The following VPS8 variants were observed in gnomAD, a reference collection of about 807,000 sequenced individuals.
The protein encoded by VPS8 is vacuolar protein sorting-associated protein 8 homolog.
Under a neutral mutation model 216.4 loss-of-function variants are expected in VPS8, and 129 were observed. The ratio of observed to expected loss-of-function variants is 0.60; its 90% CI spans 0.52 to 0.69. The LOEUF (loss-of-function observed/expected upper bound fraction) is 0.69. VPS8 is among the 30% of genes least tolerant of loss of function. VPS8 has a pLI of 0.00. For synonymous variants in VPS8, 571 were observed against 565.4 expected, an observed-to-expected ratio of 1.01 and a Z score of -0.14; for missense variants, 1,531 against 1,683.5, an observed-to-expected ratio of 0.91 and a Z score of 1.59.
At chr3:184,983,295 T>G (rs1750512782) in intron 42 of VPS8, among the ~76,000 whole-genome samples, 2 of 152,226 alleles carry the variant, frequency 1.3e-5, no homozygotes, top group African/African-American at 4.8e-5. Flanking sequence ...TGACTTTGCC[T>G]GACATAAGCT....
chr3:185,038,866 G>A (rs1440024613), intron 46 of VPS8, among the ~76,000 whole-genome samples: 1 of 152,188 alleles, frequency 6.6e-6, no homozygotes, highest in East Asian at 1.9e-4. Context: ...TCCAGGGCAA[G>A]GGTGATCAGA....
intron 46 of VPS8, among the ~76,000 whole-genome samples, chr3:185,046,042 T>C (rs1712827376): frequency 6.6e-6 from 1 of 152,244 alleles, no homozygotes; most frequent in Non-Finnish European, 1.5e-5. Flanking sequence ...TACAGTTTAA[T>C]TTTTAGCTCT....
rs1318149122 is a variant in VPS8 at position 184,924,882 on chromosome 3, C to T, written c.2475C>T (p.Asp825=). Residue 825 remains aspartate, a synonymous_variant, in exon 30 of 48, where the codon GAC becomes GAT. Coordinates refer to ENST00000625842, the MANE Select transcript of VPS8 (RefSeq NM_001009921.3). ...TTCAGGTTATGGTGGAGAATTCAGA[C>T]TTTACCCCCTCACAAGTAGGATGTC... ...ILLKVMVENS[D]FTPSQVGCLF... The T allele has an allele frequency of 1.2e-6, 2 of 1,612,608 alleles. No individual in the cohort carries two copies. Among genetic ancestry groups the T allele is most frequent in the Non-Finnish European group, 1.7e-6 (2 of 1,179,584 alleles).
At position 184,984,145 on chromosome 3, in the gene VPS8, CT is replaced by C. The variant is rs1447714935; in HGVS notation, c.3585+1052del. ...TTTGCAGTGAGCCGAGATCGAGCCA[CT>C]GCACTCCGGCCTGGGCAACAGAGCG... On this transcript the variant is annotated intron_variant, in intron 42 of 47. Transcript: ENST00000625842. 1.2e-4 allele frequency among the ~76,000 whole-genome samples: 10 copies of C among 81,824 alleles called. No individual in the cohort carries two copies. The Admixed American group carries it at 1.6e-3, about 13-fold the overall frequency. 53.7% of individuals were successfully genotyped at this position (81,824 alleles called of 152,430 possible).
At chr3:184,932,304 A>G (rs1044127295) in intron 34 of VPS8, among the ~76,000 whole-genome samples, 2 of 152,136 alleles carry the variant, frequency 1.3e-5, no homozygotes, top group Admixed American at 1.3e-4. Flanking sequence ...ACATGTACAT[A>G]GATACATGAT....
intron 46 of VPS8, among the ~76,000 whole-genome samples, chr3:185,031,443 C>T (rs566565367): frequency 6.6e-6 from 1 of 152,208 alleles, no homozygotes; most frequent in Admixed American, 6.5e-5. Context: ...CTGAACACCA[C>T]CCCCAAAAAA....
At chr3:184,897,750 T>C (rs1272387809) in intron 23 of VPS8, among the ~76,000 whole-genome samples, 1 of 152,202 alleles carries the variant, frequency 6.6e-6, no homozygotes, top group East Asian at 1.9e-4. Flanking sequence ...TGCCGACTTC[T>C]GCCCTTCTCC....
At chr3:184,915,133 T>C (rs1167991811) in intron 27 of VPS8, 80 bp downstream of exon 27, 2 of 1,497,496 alleles carry the variant, frequency 1.3e-6, no homozygotes, top group Non-Finnish European at 1.9e-6. Context: ...AGTTGAGGCT[T>C]ACACGTGGGT....
intron 44 of VPS8, 126 bp from the exon 45 acceptor site, chr3:184,999,569 AC>A (rs1753117591): frequency 8.8e-7 from 1 of 1,138,132 alleles, no homozygotes; most frequent in East Asian, 2.6e-5. Context: ...CTTGTTTCTT[AC>A]CCTGTACAGC....
rs535941477 is a variant in VPS8 at position 184,955,157 on chromosome 3, T to C, written c.3036-2217T>C. On this transcript the variant is annotated intron_variant, in intron 36 of 47. Coordinates refer to ENST00000625842, the MANE Select transcript of VPS8 (RefSeq NM_001009921.3). ...GGAACACTCTGCTCCACCAGCTTCT[T>C]GTGGAAGGCTGGATATTATCTAGGC... 3.9e-5 allele frequency among the ~76,000 whole-genome samples: 6 copies of C among 152,212 alleles called. No homozygotes were observed. The East Asian group carries it at 1.2e-3, about 29-fold the overall frequency.
At chr3:184,970,035 C>T (rs1258944805) in intron 39 of VPS8, among the ~76,000 whole-genome samples, 11 of 150,736 alleles carry the variant, frequency 7.3e-5, no homozygotes, top group South Asian at 2.1e-4. Flanking sequence ...CTCAGCCTCC[C>T]GAGTGGCTGG....
At chr3:184,823,464 G>A (rs1005972545) in intron 1 of VPS8, among the ~76,000 whole-genome samples, 2 of 152,208 alleles carry the variant, frequency 1.3e-5, no homozygotes, top group Non-Finnish European at 2.9e-5. Context: ...TCACTGCAGG[G>A]CAAGGGTTGG....
rs770681497 is a variant in VPS8, at chr3:184,824,686, G to T, written c.54G>T (p.Thr18=). Residue 18 remains threonine, a synonymous_variant, in exon 2 of 48, where the codon ACG becomes ACT. Coordinates refer to ENST00000625842, the MANE Select transcript of VPS8 (RefSeq NM_001009921.3). The part of the protein sequence containing the change: ...ENVEQSLCAK[T]SEEELNKSFN... ...TGGAACAGAGCCTCTGTGCCAAGAC[G>T]AGCGAAGAAGAGCTGAATAAGTCTT... 1.2e-6 allele frequency: 2 copies of T among 1,613,946 alleles called. No homozygotes were observed. The highest frequency in any genetic ancestry group is 1.1e-5 in the South Asian group (1 of 91,080).
At chr3:185,042,247 GT>G (rs1390400676) in intron 46 of VPS8, among the ~76,000 whole-genome samples, 6 of 152,060 alleles carry the variant, frequency 3.9e-5, no homozygotes, top group Non-Finnish European at 8.8e-5. Flanking sequence ...GACTTTTGAG[GT>G]TTTTTTCTGG....
intron 6 of VPS8, 175 bp from the exon 7 acceptor site, chr3:184,839,523 A>T (rs889353524): frequency 3.4e-6 from 2 of 591,352 alleles, no homozygotes; most frequent in African/African-American, 3.8e-5. Flanking sequence ...ATTCTCAGAA[A>T]TAAAATGTCC....
chr3:184,897,966 G>A (rs1196482018), intron 23 of VPS8, among the ~76,000 whole-genome samples: 2 of 151,892 alleles, frequency 1.3e-5, no homozygotes, highest in East Asian at 3.9e-4. Flanking sequence ...TTCTGCTTGT[G>A]GCTCACATAT....
At chr3:184,888,901 A>C in intron 22 of VPS8, among the ~76,000 whole-genome samples, 1 of 152,212 alleles carries the variant, frequency 6.6e-6, no homozygotes, top group Non-Finnish European at 1.5e-5. Context: ...TTGCAGGGTG[A>C]CTTGTGATCA....
intron 16 of VPS8, among the ~76,000 whole-genome samples, chr3:184,864,921 T>C (rs2108748724): frequency 6.6e-6 from 1 of 152,172 alleles, no homozygotes; most frequent in Non-Finnish European, 1.5e-5. Context: ...GACAAAGACA[T>C]AGTAGTTATT....
At chr3:184,984,907 T>C (rs1750830823) in intron 42 of VPS8, among the ~76,000 whole-genome samples, 2 of 151,368 alleles carry the variant, frequency 1.3e-5, no homozygotes. Context: ...ATTTTTAAAA[T>C]TTTTTATATT....
Sources: gnomAD v4.1 joint callset for allele counts (sites outside exome capture counted in the v4.1 genomes callset) on GRCh38, gnomAD v4.1.1 for gene constraint, MANE v1.5 for transcripts, NCBI Gene and HGNC (gene_info 2026-07-23, HGNC 2026-07-21) for gene names.